Variants in PLG observed in about 807,000 individuals in gnomAD.
PLG encodes plasmin.
Under a neutral mutation model 104.4 loss-of-function variants are expected in PLG, and 41 were observed. The ratio of observed to expected loss-of-function variants is 0.39; its 90% confidence interval spans 0.31 to 0.51. The LOEUF is 0.51. PLG is among the 20% of genes least tolerant of loss of function. The pLI is 0.76. For synonymous variants in PLG, 337 were observed against 357.1 expected (o/e 0.94, Z 0.63); for missense variants, 891 against 1,003.6 (o/e 0.89, Z 1.52).
intron 17 of PLG, among the ~76,000 whole-genome samples, chr6:160,748,370 AAGAAAGAAAGAAAGAAAG>A (rs1778320316): frequency 2.4e-5 from 1 of 41,398 alleles, no homozygotes; most frequent in African/African-American, 8.2e-5. Context: ...GAAAGAAAGA[AAGAAAGAAAGAAAGAAAG>A]AAAGAAAGAA....
chr6:160,753,836 G>A lies in PLG; in HGVS notation c.*775G>A, dbSNP rs4252179. ...TTTTGAAACAGTCTGCAGTACACACGGTCACAGGAGAATGACCTGTGGGAG... is the reference window on the plus strand; with the variant it reads ...TTTTGAAACAGTCTGCAGTACACACAGTCACAGGAGAATGACCTGTGGGAG... On this transcript the variant is annotated 3_prime_UTR_variant, in exon 19 of 19. Transcript: ENST00000308192. The surrounding 1 kb of genome is among the most constrained non-coding windows in gnomAD (Gnocchi z 5.4). 0.03 allele frequency among the ~76,000 whole-genome samples: 4,560 copies of A among 152,222 alleles called. 197 individuals are homozygous for A. The highest frequency in any genetic ancestry group is 0.094 in the African/African-American group (3,901 of 41,488).
chr6:160,714,211 T>A (rs1582935254), intron 5 of PLG, among the ~76,000 whole-genome samples: 1 of 152,140 alleles, frequency 6.6e-6, no homozygotes, highest in African/African-American at 2.4e-5. Context: ...GTGAATAATT[T>A]TGCAAAAAAG....
chr6:160,716,882 G>A lies in PLG; in HGVS notation c.787+119G>A, dbSNP rs527994518. On this transcript the variant is annotated intron_variant, in intron 7 of 18. Transcript: ENST00000308192. ...GAAAAGTGACCTACAAGTCCTATGG[G>A]ATGTTATTGGTCTTTATTTTATTGC... 42 of 757,966 alleles carry A rather than the reference G, an allele frequency of 5.5e-5. No homozygotes were observed. In the East Asian group the frequency reaches 1.0e-3, roughly 18 times the overall value. The allele number at this position is 757,966 out of a possible 1,614,324, so 47.0% of individuals were successfully genotyped here.
Position 160,739,183 on chromosome 6 carries a change from G to A in PLG, c.1993G>A (p.Asp665Asn), listed in dbSNP as rs1778143180. Residue 665 changes from aspartate (D) to asparagine (N), a missense_variant, in exon 16 of 19, where the codon GAT (aspartate) becomes AAT (asparagine). Around this residue, in one of 2 missense-constraint regions of PLG, gnomAD observed 854 missense variants for 932.1 expected, o/e 0.92. Coordinates refer to ENST00000308192, the MANE Select transcript of PLG (RefSeq NM_000301.5). The surrounding 1 kb of genome is among the most constrained non-coding windows in gnomAD (Gnocchi z 4.4). ...SRLFLEPTRK[D>N]IALLKLSSPA... Reference sequence around the variant, plus strand: ...GCTGTTCTTGGAGCCCACACGAAAAGATATTGCCTTGCTAAAGCTAAGCAG... The same window carrying A: ...GCTGTTCTTGGAGCCCACACGAAAAAATATTGCCTTGCTAAAGCTAAGCAG... 1 of 1,614,068 alleles carries A rather than the reference G, an allele frequency of 6.2e-7. No homozygotes were observed. The highest frequency in any genetic ancestry group is 1.1e-5 in the South Asian group (1 of 91,090).
At chr6:160,730,515 C>T (rs1236427052) in intron 10 of PLG, among the ~76,000 whole-genome samples, 1 of 152,186 alleles carries the variant, frequency 6.6e-6, no homozygotes, top group Non-Finnish European at 1.5e-5. Flanking sequence ...AAAAGTAGAT[C>T]CCTTTAGTTA....
At position 160,725,432 on chromosome 6, in the gene PLG, G is replaced by T. The variant is rs776072626; in HGVS notation, c.1256+2865G>T. Reference sequence around the variant, plus strand: ...GGTTGAAGGTGGTAAGTTAAAGAGGGTTATTGCAAATCCTAGAACAACTGA... The same window carrying T: ...GGTTGAAGGTGGTAAGTTAAAGAGGTTTATTGCAAATCCTAGAACAACTGA... On this transcript the variant is annotated intron_variant, in intron 10 of 18. Coordinates refer to ENST00000308192, the MANE Select transcript of PLG (RefSeq NM_000301.5). This position sits in a 1 kb window ranked among gnomAD's most constrained non-coding sequence, Gnocchi z 6.3. Among the ~76,000 whole-genome samples, 1 of 151,976 alleles carries T rather than the reference G, an allele frequency of 6.6e-6. No homozygotes were observed. Among genetic ancestry groups the T allele is most frequent in the Non-Finnish European group, 1.5e-5 (1 of 68,008 alleles).
intron 5 of PLG, 33 bp downstream of exon 5, chr6:160,713,158 C>T: frequency 6.4e-7 from 1 of 1,556,250 alleles, no homozygotes; most frequent in Non-Finnish European, 8.9e-7. Context: ...GTTTTCATTT[C>T]TGCCCTTCAC....
intron 4 of PLG, chr6:160,711,710 TA>T (rs1392283266): frequency 6.8e-6 from 11 of 1,606,124 alleles, no homozygotes; most frequent in Non-Finnish European, 7.6e-6. Flanking sequence ...ATGCCTAGTT[TA>T]AAAAAAATCA....
rs186439505 is a variant in PLG at position 160,753,415 on chromosome 6, G to C, written c.*354G>C. ...AACAGCTGCACAAAGGACTGAGCAG[G>C]CTGCAAGGTCACAGAGGGGAGAGCC... On this transcript the variant is annotated 3_prime_UTR_variant, in exon 19 of 19. Coordinates refer to ENST00000308192, the MANE Select transcript of PLG (RefSeq NM_000301.5). The surrounding 1 kb of genome is among the most constrained non-coding windows in gnomAD (Gnocchi z 5.4). 2.1e-4 allele frequency: 76 copies of C among 369,594 alleles called. 1 individual carries two copies. Among genetic ancestry groups the C allele is most frequent in the South Asian group, 5.8e-4 (26 of 44,602 alleles). The allele number at this position is 369,594 out of a possible 1,614,324, so 22.9% of individuals were successfully genotyped here. A position where few individuals can be genotyped will look rare whatever the true frequency, so the allele number is the denominator to read the frequency against.
chr6:160,726,202 C>G lies in PLG; in HGVS notation c.1256+3635C>G, dbSNP rs1777918494. On this transcript the variant is annotated intron_variant, in intron 10 of 18. Coordinates refer to ENST00000308192, the MANE Select transcript of PLG (RefSeq NM_000301.5). The surrounding 1 kb of genome is among the most constrained non-coding windows in gnomAD (Gnocchi z 4.4). ...ATATACCATATGTGTGGGCCTACAG[C>G]AAGTCTTAATAGATTGAAAAGAATT... Among the ~76,000 whole-genome samples the G allele has an allele frequency of 6.6e-6, 1 of 152,008 alleles. No homozygotes were observed. Among genetic ancestry groups the G allele is most frequent in the Admixed American group, 6.6e-5 (1 of 15,266 alleles).
rs1368681343 is a variant in PLG at position 160,723,799 on chromosome 6, G to A, written c.1256+1232G>A. Among the ~76,000 whole-genome samples the A allele has an allele frequency of 1.3e-5, 2 of 152,122 alleles. No individual in the cohort carries two copies. The highest frequency in any genetic ancestry group is 6.6e-5 in the Admixed American group (1 of 15,258). On this transcript the variant is annotated intron_variant, in intron 10 of 18. Transcript: ENST00000308192. This position sits in a 1 kb window ranked among gnomAD's most constrained non-coding sequence, Gnocchi z 4.7. The stretch of plus-strand genomic sequence containing the variant: ...ATGCCAGAGCTCACATAGCACTGGG[G>A]GATATTTGAGTTCTGACCAGCCTGA...
In PLG at chr6:160,739,568, A is replaced by C. The variant is rs1324756574; in HGVS notation, c.2018+360A>C. On this transcript the variant is annotated intron_variant, in intron 16 of 18. Coordinates refer to ENST00000308192, the MANE Select transcript of PLG (RefSeq NM_000301.5). This position sits in a 1 kb window ranked among gnomAD's most constrained non-coding sequence, Gnocchi z 4.4. ...ATCATAATATGTTTAAGAGAATCAT[A>C]TAAGACTATATTTGTTTCAAAGCAC... 6.6e-6 allele frequency among the ~76,000 whole-genome samples: 1 copy of C among 152,178 alleles called. No homozygotes were observed. The highest frequency in any genetic ancestry group is 1.9e-4 in the East Asian group (1 of 5,192).
intron 10 of PLG, among the ~76,000 whole-genome samples, chr6:160,729,738 C>T (rs1486950939): frequency 6.6e-6 from 1 of 152,084 alleles, no homozygotes; most frequent in Non-Finnish European, 1.5e-5. Flanking sequence ...AAGAGGGTAG[C>T]AGGAATTGAA....
Position 160,737,107 on chromosome 6 carries a change from C to T in PLG, c.1802+100C>T, listed in dbSNP as rs573065372. Reference sequence around the variant, plus strand: ...AATCCACACAGCTGAGGCATCAGCACCTGCCTCTAAGTTTTCTGAAGGAGG... The same window carrying T: ...AATCCACACAGCTGAGGCATCAGCATCTGCCTCTAAGTTTTCTGAAGGAGG... On this transcript the variant is annotated intron_variant, in intron 14 of 18. Coordinates refer to ENST00000308192, the MANE Select transcript of PLG (RefSeq NM_000301.5). This position sits in a 1 kb window ranked among gnomAD's most constrained non-coding sequence, Gnocchi z 4.7. 5 of 1,485,646 alleles carry T rather than the reference C, an allele frequency of 3.4e-6. No individual in the cohort carries two copies. The highest frequency in any genetic ancestry group is 2.3e-5 in the East Asian group (1 of 42,648). The allele number at this position is 1,485,646 out of a possible 1,614,324, so 92.0% of individuals were successfully genotyped here. A position where few individuals can be genotyped will look rare whatever the true frequency, so the allele number is the denominator to read the frequency against.
rs143975248 is a variant in PLG at position 160,703,902 on chromosome 6, A to G, written c.49+1549A>G. Among the ~76,000 whole-genome samples, 1,213 of 152,310 alleles carry G rather than the reference A, an allele frequency of 8.0e-3. 14 individuals carry two copies. Among genetic ancestry groups the G allele is most frequent in the African/African-American group, 0.027 (1,129 of 41,566 alleles). ...GGAAAGCCAGGTTTTCTGTGGATGT[A>G]TCATCTTTCCAGTGTGCTGCAATGC... is the stretch of plus-strand genomic sequence containing the variant. On this transcript the variant is annotated intron_variant, in intron 1 of 18. Coordinates refer to ENST00000308192, the MANE Select transcript of PLG (RefSeq NM_000301.5).
chr6:160,710,165 C>T (rs1436338723), intron 3 of PLG, among the ~76,000 whole-genome samples: 1 of 152,154 alleles, frequency 6.6e-6, no homozygotes, highest in Non-Finnish European at 1.5e-5. Flanking sequence ...GCTTTATAGT[C>T]AACTATATGA....
At chr6:160,708,526 C>T (rs993729465) in intron 3 of PLG, 2 of 152,188 alleles carry the variant, frequency 1.3e-5, no homozygotes, top group East Asian at 3.8e-4. Context: ...TTAAGCATAT[C>T]CCATCAAGTA....
At chr6:160,733,872 G>T in intron 12 of PLG, 123 bp from the exon 13 acceptor site, 1 of 515,958 alleles carries the variant, frequency 1.9e-6, no homozygotes, top group Non-Finnish European at 3.6e-6. Flanking sequence ...AAAAAAAGAA[G>T]GAAGGAAAAA....
intron 17 of PLG, among the ~76,000 whole-genome samples, chr6:160,743,040 A>T (rs1778222410): frequency 7.3e-6 from 1 of 136,930 alleles, no homozygotes. Flanking sequence ...TACCAGTACC[A>T]TGCTGTTTTT....
Sources: gnomAD v4.1 joint callset for allele counts (sites outside exome capture counted in the v4.1 genomes callset) on GRCh38, gnomAD v4.1.1 for gene constraint, gnomAD v4.1.1 regional missense constraint, Gnocchi (gnomAD v3.1) non-coding constraint, MANE v1.5 for transcripts, NCBI Gene and HGNC (gene_info 2026-07-23, HGNC 2026-07-21) for gene names.